The following TRERF1 variants were observed in gnomAD, a reference collection of about 807,000 sequenced individuals.
The protein encoded by TRERF1 is transcriptional regulating factor 1.
TRERF1 carries 27 observed loss-of-function variants against 122.9 expected under a neutral mutation model. That is an observed-to-expected ratio of 0.22 (90% CI 0.16 to 0.30). The LOEUF (loss-of-function observed/expected upper bound fraction) is 0.30, where lower values mean the gene tolerates loss of function less well. Ranked by LOEUF, TRERF1 falls within the 10% of genes least tolerant of loss-of-function variation. TRERF1 has a pLI of 1.00. For synonymous variants in TRERF1, 636 were observed against 641.7 expected (o/e 0.99, Z 0.13); for missense variants, 1,248 against 1,560.3 (o/e 0.80, Z 3.37).
rs756871149 is a variant in TRERF1 at position 42,264,863 on chromosome 6, G to A, written c.1485-9C>T. ...CTCCTTTGGGTTGGCCACTGCTCAAGGGAAGAGTCAAATGGAGAGGACACA... is the reference window on the plus strand; with the variant it reads ...CTCCTTTGGGTTGGCCACTGCTCAAAGGAAGAGTCAAATGGAGAGGACACA... On this transcript the variant is annotated splice_polypyrimidine_tract_variant and intron_variant, in intron 6 of 17. Coordinates refer to ENST00000372922, the Ensembl canonical transcript of TRERF1. 2 of 1,613,794 alleles carry A rather than the reference G, an allele frequency of 1.2e-6. No homozygotes were observed.
chr6:42,260,251 A>AG (rs1398796373), intron 8 of TRERF1, among the ~76,000 whole-genome samples: 1 of 151,780 alleles, frequency 6.6e-6, no homozygotes, highest in Non-Finnish European at 1.5e-5. Context: ...CACTTTCAGC[A>AG]GGGGGGGAGA....
rs761863675 is a variant in TRERF1, at chr6:42,263,270, CG to C, written c.1884+49del. 2.6e-6 allele frequency: 4 copies of C among 1,552,130 alleles called. No individual in the cohort carries two copies. The highest frequency in any genetic ancestry group is 2.6e-6 in the Non-Finnish European group (3 of 1,143,834). On this transcript the variant is annotated intron_variant, in intron 8 of 17. Transcript: ENST00000372922. This position sits in a 1 kb window ranked among gnomAD's most constrained non-coding sequence, Gnocchi z 5.6. Reference sequence around the variant, plus strand: ...AGAGCAGCAACTCACAGCAGGCGTGCGGGGGGCAGCCCCTTGGGGTGAGTGT... The same window carrying C: ...AGAGCAGCAACTCACAGCAGGCGTGCGGGGGCAGCCCCTTGGGGTGAGTGT...
In TRERF1 at chr6:42,344,186, A is replaced by G. The variant is rs116162190; in HGVS notation, c.-371+18811T>C. 7.2e-3 allele frequency among the ~76,000 whole-genome samples: 1,094 copies of G among 152,234 alleles called. 9 individuals are homozygous for G. Among genetic ancestry groups the G allele is most frequent in the African/African-American group, 0.025 (1,047 of 41,524 alleles). On this transcript the variant is annotated intron_variant, in intron 3 of 17. Transcript: ENST00000372922. ...GGAGACCCTGCTCCATGCCCCCACTATTGTTCCAAACTTGTTAACTAGTGC... is the reference window on the plus strand; with the variant it reads ...GGAGACCCTGCTCCATGCCCCCACTGTTGTTCCAAACTTGTTAACTAGTGC...
chr6:42,267,593 T>C (rs1006050902), intron 5 of TRERF1, among the ~76,000 whole-genome samples: 5 of 151,586 alleles, frequency 3.3e-5, no homozygotes, highest in African/African-American at 4.9e-5. Context: ...GATGGCGCCA[T>C]TGCACTCCAG....
chr6:42,360,770 TTAAAAAAAAAAAAAAA>T (rs748630770), intron 3 of TRERF1, among the ~76,000 whole-genome samples: 840 of 64,098 alleles, frequency 0.013, 16 homozygotes, highest in African/African-American at 0.034. Flanking sequence ...AGTGGAGAGA[TTAAAAAAAAAAAAAAA>T]AAAAAAAAAA....
At chr6:42,428,289 T>C (rs1357386502) in intron 2 of TRERF1, among the ~76,000 whole-genome samples, 2 of 152,266 alleles carry the variant, frequency 1.3e-5, no homozygotes, top group Non-Finnish European at 2.9e-5. Flanking sequence ...ATCTGCATTA[T>C]AATGTAACTG....
chr6:42,288,486 T>G (rs910181892), intron 4 of TRERF1, among the ~76,000 whole-genome samples: 1 of 149,248 alleles, frequency 6.7e-6, no homozygotes, highest in Admixed American at 6.8e-5. Context: ...GAGAATCGCT[T>G]GAATCCAGGA....
At chr6:42,236,081 A>G in intron 16 of TRERF1, 124 bp downstream of exon 16, 1 of 1,402,566 alleles carries the variant, frequency 7.1e-7, no homozygotes, top group Non-Finnish European at 9.4e-7. Context: ...GGCAACATGG[A>G]GCACCCTCTG....
At chr6:42,418,194 T>A in intron 2 of TRERF1, among the ~76,000 whole-genome samples, 1 of 145,458 alleles carries the variant, frequency 6.9e-6, no homozygotes, top group Non-Finnish European at 1.5e-5. Flanking sequence ...TTTCTCTCTT[T>A]CTCTCCTTCT....
chr6:42,430,544 G>C (rs553759077), intron 2 of TRERF1, among the ~76,000 whole-genome samples: 1 of 151,818 alleles, frequency 6.6e-6, no homozygotes, highest in Non-Finnish European at 1.5e-5. Context: ...GAAGTCAGGA[G>C]CTTGAGACCA....
intron 10 of TRERF1, 81 bp downstream of exon 10, chr6:42,258,054 A>C: frequency 8.2e-7 from 1 of 1,218,672 alleles, no homozygotes; most frequent in Non-Finnish European, 1.2e-6. Context: ...TCTCAGTGTA[A>C]TCCTCTGACT....
Position 42,232,554 on chromosome 6 carries a change from C to T in TRERF1, c.3278+127G>A, listed in dbSNP as rs899987510. 1.5e-4 allele frequency: 187 copies of T among 1,247,664 alleles called. 1 individual carries two copies. Among genetic ancestry groups the T allele is most frequent in the Non-Finnish European group, 1.9e-4 (173 of 923,832 alleles). The allele number at this position is 1,247,664 out of a possible 1,614,324, so 77.3% of individuals were successfully genotyped here. On this transcript the variant is annotated intron_variant, in intron 17 of 17. Coordinates refer to ENST00000372922, the Ensembl canonical transcript of TRERF1. The surrounding 1 kb of genome is among the most constrained non-coding windows in gnomAD (Gnocchi z 4.5). ...CTACATACCCATCCCAAAGATGACA[C>T]GAAGAAGAGTTTTGAGGTCTAAGTT...
intron 2 of TRERF1, among the ~76,000 whole-genome samples, chr6:42,366,833 G>C (rs1384180865): frequency 2.0e-5 from 3 of 152,204 alleles, no homozygotes; most frequent in Non-Finnish European, 4.4e-5. Context: ...GCCTGGGAAA[G>C]GTGAAAATCA....
intron 2 of TRERF1, among the ~76,000 whole-genome samples, chr6:42,438,779 G>A (rs760646304): frequency 1.5e-4 from 23 of 152,248 alleles, no homozygotes; most frequent in African/African-American, 5.3e-4. Context: ...GAGCAGGTAC[G>A]AGTTGAGAAG....
chr6:42,446,007 T>C (rs980315703), intron 2 of TRERF1, among the ~76,000 whole-genome samples: 3 of 152,196 alleles, frequency 2.0e-5, no homozygotes, highest in Non-Finnish European at 4.4e-5. Context: ...CTTCACCTCC[T>C]GGGCTCAAGT....
At chr6:42,310,185 C>A (rs1378724681) in intron 3 of TRERF1, among the ~76,000 whole-genome samples, 1 of 152,162 alleles carries the variant, frequency 6.6e-6, no homozygotes, top group Non-Finnish European at 1.5e-5. Context: ...CTCACTGCAG[C>A]CTCTAACTTC....
At chr6:42,338,478 G>A (rs1766630239) in intron 3 of TRERF1, among the ~76,000 whole-genome samples, 1 of 152,192 alleles carries the variant, frequency 6.6e-6, no homozygotes, top group East Asian at 1.9e-4. Context: ...CTGCCAGAAA[G>A]TGAGTACTAA....
intron 2 of TRERF1, among the ~76,000 whole-genome samples, chr6:42,433,854 A>G (rs1222771648): frequency 6.6e-6 from 1 of 151,972 alleles, no homozygotes; most frequent in Non-Finnish European, 1.5e-5. Context: ...CCCCATCTCT[A>G]CAAAAAAAAA....
exon 11 of TRERF1, chr6:42,257,021 C>T (rs746842281): frequency 6.2e-7 from 1 of 1,614,200 alleles, no homozygotes; most frequent in South Asian, 1.1e-5. Context: ...CCAGTGTGGC[C>T]TTGTGTGTGT....
Sources: allele counts gnomAD v4.1 joint callset (sites outside exome capture counted in the v4.1 genomes callset), GRCh38; gene constraint gnomAD v4.1.1; non-coding constraint Gnocchi (gnomAD v3.1); transcripts MANE v1.5; gene names NCBI Gene and HGNC (gene_info 2026-07-23, HGNC 2026-07-21).